MEIS2: variants seen among roughly 807,000 people sequenced by gnomAD.
The protein encoded by MEIS2 is homeobox protein Meis2.
MEIS2 carries 9 observed loss-of-function variants against 58.6 expected under a neutral mutation model. That is an observed-to-expected ratio of 0.15 (90% CI 0.09 to 0.27). The LOEUF (loss-of-function observed/expected upper bound fraction) is 0.27. Among genes scored for constraint, MEIS2 ranks in the 10% least tolerant of loss-of-function variants. MEIS2 has a pLI of 1.00. For synonymous variants in MEIS2, 221 were observed against 228.4 expected (o/e 0.97, Z 0.29); for missense variants, 427 against 635.0 (o/e 0.67, Z 3.52).
chr15:36,913,739 A>G lies in MEIS2; in HGVS notation c.978-17053T>C, dbSNP rs1002400871. Among the ~76,000 whole-genome samples, 6 of 152,118 alleles carry G rather than the reference A, an allele frequency of 3.9e-5. No individual in the cohort carries two copies. The East Asian group carries it at 1.2e-3, about 29-fold the overall frequency. On this transcript the variant is annotated intron_variant, in intron 9 of 11. Coordinates refer to ENST00000561208, the MANE Select transcript of MEIS2 (RefSeq NM_170675.5). ...CTTCACACACTCAGGGGGAGAAAAAAAAAAGCTTAAGGAGATTTTTTTCCT... is the reference window on the plus strand; with the variant it reads ...CTTCACACACTCAGGGGGAGAAAAAGAAAAGCTTAAGGAGATTTTTTTCCT...
intron 7 of MEIS2, among the ~76,000 whole-genome samples, chr15:37,052,138 T>C (rs1164218678): frequency 6.6e-6 from 1 of 152,148 alleles, no homozygotes; most frequent in African/African-American, 2.4e-5. Context: ...GAAAACCACA[T>C]CATTCATGAA....
intron 8 of MEIS2, chr15:36,972,837 C>T (rs535346425): frequency 5.3e-5 from 8 of 152,100 alleles, no homozygotes; most frequent in South Asian, 2.1e-4. Flanking sequence ...AGTAAAGCCC[C>T]GACTCCTGAT....
intron 8 of MEIS2, among the ~76,000 whole-genome samples, chr15:36,969,812 A>G (rs2059472826): frequency 6.6e-6 from 1 of 152,232 alleles, no homozygotes; most frequent in Non-Finnish European, 1.5e-5. Flanking sequence ...TCACAATTAC[A>G]ATCTTTGAAG....
At position 36,908,887 on chromosome 15, in the gene MEIS2, C is replaced by G. The variant is rs552379139; in HGVS notation, c.978-12201G>C. ...CTGGGAGGCGGAGGTTGTGGTGAGC[C>G]GAGATGGCGCCATTGCACTCCAGCC... On this transcript the variant is annotated intron_variant, in intron 9 of 11. Transcript: ENST00000561208. Among the ~76,000 whole-genome samples the G allele has an allele frequency of 1.5e-3, 234 of 151,932 alleles. 1 individual carries two copies. Among genetic ancestry groups the G allele is most frequent in the African/African-American group, 5.3e-3 (221 of 41,434 alleles).
intron 7 of MEIS2, among the ~76,000 whole-genome samples, chr15:37,050,240 A>G (rs1327385509): frequency 6.6e-6 from 1 of 152,118 alleles, no homozygotes; most frequent in African/African-American, 2.4e-5. Flanking sequence ...TTTCTACCCA[A>G]TTATTGAAAG....
At chr15:37,029,187 G>GC (rs1195151200) in intron 8 of MEIS2, among the ~76,000 whole-genome samples, 6 of 152,286 alleles carry the variant, frequency 3.9e-5, no homozygotes, top group African/African-American at 1.2e-4. Context: ...GCCCCACTAT[G>GC]CTGCATGTTT....
chr15:37,026,360 C>A (rs2061705848), intron 8 of MEIS2, among the ~76,000 whole-genome samples: 1 of 152,096 alleles, frequency 6.6e-6, no homozygotes, highest in Non-Finnish European at 1.5e-5. Flanking sequence ...AAGCCATTTT[C>A]CAATTCTAGT....
At chr15:37,062,589 A>C (rs1047925226) in intron 7 of MEIS2, among the ~76,000 whole-genome samples, 1 of 152,180 alleles carries the variant, frequency 6.6e-6, no homozygotes, top group African/African-American at 2.4e-5. Context: ...GAACAGGCCA[A>C]TATTTAAATC....
intron 9 of MEIS2, among the ~76,000 whole-genome samples, chr15:36,919,611 A>T (rs892877439): frequency 2.6e-5 from 4 of 152,276 alleles, no homozygotes; most frequent in African/African-American, 9.6e-5. Flanking sequence ...ACAGTAATTT[A>T]AAAAATCCTC....
intron 8 of MEIS2, among the ~76,000 whole-genome samples, chr15:37,008,145 A>G (rs1665410784): frequency 6.6e-6 from 1 of 152,170 alleles, no homozygotes; most frequent in Admixed American, 6.5e-5. Flanking sequence ...TTTTTCCACT[A>G]GATTATTTTT....
chr15:37,030,059 A>T (rs781652225), intron 8 of MEIS2, among the ~76,000 whole-genome samples: 1 of 152,198 alleles, frequency 6.6e-6, no homozygotes, highest in African/African-American at 2.4e-5. Flanking sequence ...CAGACAGCCT[A>T]GACTTTCACA....
intron 7 of MEIS2, among the ~76,000 whole-genome samples, chr15:37,038,403 C>T (rs1381056133): frequency 6.6e-6 from 1 of 152,152 alleles, no homozygotes; most frequent in African/African-American, 2.4e-5. Flanking sequence ...TCCTTTCTTG[C>T]CAAAAAACCC....
intron 8 of MEIS2, among the ~76,000 whole-genome samples, chr15:36,952,969 C>CT (rs922818591): frequency 2.1e-4 from 31 of 150,782 alleles, no homozygotes; most frequent in African/African-American, 4.4e-4. Flanking sequence ...GCACAGATGG[C>CT]TTTTTTTTTA....
At chr15:37,046,836 AATAT>A (rs3047040) in intron 7 of MEIS2, among the ~76,000 whole-genome samples, 68,966 of 148,568 alleles carry the variant, frequency 0.46, 16,186 homozygotes, top group South Asian at 0.52. Flanking sequence ...TCGTTTAAAA[AATAT>A]ATATATATAT....
chr15:36,970,417 A>AAG (rs1555437772), intron 8 of MEIS2, among the ~76,000 whole-genome samples: 2 of 151,682 alleles, frequency 1.3e-5, no homozygotes, highest in African/African-American at 4.8e-5. Context: ...AAAAAAAAAA[A>AAG]GTGCAAACAT....
At chr15:36,894,733 G>A (rs1047444800) in intron 11 of MEIS2, 10 of 1,612,790 alleles carry the variant, frequency 6.2e-6, no homozygotes, top group African/African-American at 1.3e-5. Context: ...CTTGCTTTGC[G>A]ATTGCTTTAC....
At chr15:36,996,690 A>G (rs74726890) in intron 8 of MEIS2, among the ~76,000 whole-genome samples, 16,678 of 152,190 alleles carry the variant, frequency 0.11, 1,617 homozygotes, top group Admixed American at 0.32. Context: ...CATGGAGCAG[A>G]TGGAACGGAA....
In MEIS2 at chr15:36,892,038, T is replaced by A; in HGVS notation, c.*135A>T. On this transcript the variant is annotated 3_prime_UTR_variant, in exon 12 of 12. Transcript: ENST00000561208. ...CTTGTTGCATTGGTCCTCTGTTGCTTGATGAAAAATGACAAAAGTAAAAAA... is the reference window on the plus strand; with the variant it reads ...CTTGTTGCATTGGTCCTCTGTTGCTAGATGAAAAATGACAAAAGTAAAAAA... 4 of 943,710 alleles carry A rather than the reference T, an allele frequency of 4.2e-6. No individual in the cohort carries two copies. The highest frequency in any genetic ancestry group is 6.6e-6 in the Non-Finnish European group (4 of 609,158). The allele number at this position is 943,710 out of a possible 1,614,324, so 58.5% of individuals were successfully genotyped here.
chr15:37,051,999 A>G (rs1596018837), intron 7 of MEIS2, among the ~76,000 whole-genome samples: 2 of 152,242 alleles, frequency 1.3e-5, no homozygotes, highest in Admixed American at 1.3e-4. Context: ...TACCGATAAT[A>G]ACTTTGAAAG....
Sources: gnomAD v4.1 joint callset for allele counts (sites outside exome capture counted in the v4.1 genomes callset) on GRCh38, gnomAD v4.1.1 for gene constraint, MANE v1.5 for transcripts, NCBI Gene and HGNC (gene_info 2026-07-23, HGNC 2026-07-21) for gene names.